Variants in AP2A2 observed in about 807,000 individuals in gnomAD.
AP2A2 encodes AP-2 complex subunit alpha-2.
AP2A2 carries 32 observed loss-of-function variants against 104.2 expected under a neutral mutation model. The ratio of observed to expected loss-of-function variants is 0.31; its 90% CI spans 0.23 to 0.41. The LOEUF (loss-of-function observed/expected upper bound fraction) is 0.41. Ranked by LOEUF, AP2A2 falls within the 10% of genes least tolerant of loss-of-function variation. The pLI is 1.00. For missense variants in AP2A2, 912 were observed against 1,261.0 expected (o/e 0.72, Z 4.19); for synonymous variants, 539 against 533.3 (o/e 1.01, Z -0.15).
At chr11:998,671 G>A (rs966899893) in intron 14 of AP2A2, among the ~76,000 whole-genome samples, 2 of 152,026 alleles carry the variant, frequency 1.3e-5, no homozygotes, top group Non-Finnish European at 1.5e-5. Context: ...TCTCCAGAAC[G>A]CTCTTAGCTG....
At position 992,137 on chromosome 11, in the gene AP2A2, C is replaced by A. The variant is rs536453114; in HGVS notation, c.1270-366C>A. Among the ~76,000 whole-genome samples the A allele has an allele frequency of 2.6e-5, 4 of 151,868 alleles. No individual in the cohort carries two copies. Among genetic ancestry groups the A allele is most frequent in the African/African-American group, 9.7e-5 (4 of 41,314 alleles). On this transcript the variant is annotated intron_variant, in intron 10 of 21. Transcript: ENST00000448903. This position sits in a 1 kb window ranked among gnomAD's most constrained non-coding sequence, Gnocchi z 6.4. ...ACTGGCCGCCGGGAGCCCAGGGTGG[C>A]GCAGTCAGAGGTCAGAGGAGTGCTG...
chr11:978,619 C>G (rs1855134066), intron 5 of AP2A2, among the ~76,000 whole-genome samples: 1 of 152,208 alleles, frequency 6.6e-6, no homozygotes, highest in Non-Finnish European at 1.5e-5. Context: ...CCCTCCTTAG[C>G]TCTCCCAGCT....
intron 5 of AP2A2, among the ~76,000 whole-genome samples, chr11:977,791 C>T (rs1344960948): frequency 6.6e-6 from 1 of 152,022 alleles, no homozygotes; most frequent in African/African-American, 2.4e-5. Flanking sequence ...CTTGTCCTGC[C>T]TGAACTCTGC....
chr11:949,488 T>G (rs772077971), intron 1 of AP2A2, among the ~76,000 whole-genome samples: 62 of 151,850 alleles, frequency 4.1e-4, no homozygotes, highest in Non-Finnish European at 8.4e-4. Flanking sequence ...ATAAAAAGGA[T>G]TATACAGGCC....
At chr11:999,906 C>T (rs1220586542) in intron 14 of AP2A2, among the ~76,000 whole-genome samples, 2 of 151,554 alleles carry the variant, frequency 1.3e-5, no homozygotes, top group Non-Finnish European at 2.9e-5. Context: ...CGGGTTCACA[C>T]CATTCTCCTG....
chr11:985,815 CT>C (rs892383925), intron 8 of AP2A2, among the ~76,000 whole-genome samples: 3 of 152,208 alleles, frequency 2.0e-5, no homozygotes, highest in African/African-American at 7.2e-5. Flanking sequence ...ACACGAGGGC[CT>C]TTTCCTCCTT....
At chr11:951,123 T>C (rs2134524446) in intron 1 of AP2A2, among the ~76,000 whole-genome samples, 1 of 151,402 alleles carries the variant, frequency 6.6e-6, no homozygotes, top group South Asian at 2.1e-4. Flanking sequence ...AGTATTAAAA[T>C]ATATATTTCT....
At position 968,886 on chromosome 11, in the gene AP2A2, T is replaced by G. The variant is rs1165124012; in HGVS notation, c.137-1283T>G. Among the ~76,000 whole-genome samples, 1 of 152,182 alleles carries G rather than the reference T, an allele frequency of 6.6e-6. No homozygotes were observed. Among genetic ancestry groups the G allele is most frequent in the Admixed American group, 6.5e-5 (1 of 15,284 alleles). On this transcript the variant is annotated intron_variant, in intron 2 of 21. Coordinates refer to ENST00000448903, the MANE Select transcript of AP2A2 (RefSeq NM_012305.4). The surrounding 1 kb of genome is among the most constrained non-coding windows in gnomAD (Gnocchi z 4.2). ...CGCTGACAAGGAGGGGGGTTTCTCATGAGCTCCTCAGAGTGCAGCATGCAG... is the reference window on the plus strand; with the variant it reads ...CGCTGACAAGGAGGGGGGTTTCTCAGGAGCTCCTCAGAGTGCAGCATGCAG...
In AP2A2 at chr11:992,724, G is replaced by T; in HGVS notation, c.1452+39G>T. 2 of 1,611,006 alleles carry T rather than the reference G, an allele frequency of 1.2e-6. No individual in the cohort carries two copies. The highest frequency in any genetic ancestry group is 1.7e-6 in the Non-Finnish European group (2 of 1,178,118). ...GATGGCAGGAAGGATGGGGTGGAGG[G>T]CAGTTGCAGAAGGTGAGCAGTGAGT... On this transcript the variant is annotated intron_variant, in intron 11 of 21. Coordinates refer to ENST00000448903, the MANE Select transcript of AP2A2 (RefSeq NM_012305.4). This position sits in a 1 kb window ranked among gnomAD's most constrained non-coding sequence, Gnocchi z 6.4.
At chr11:926,788 A>G (rs924780128) in intron 1 of AP2A2, among the ~76,000 whole-genome samples, 7 of 152,102 alleles carry the variant, frequency 4.6e-5, no homozygotes, top group Admixed American at 3.9e-4. Flanking sequence ...TGCTCCAATC[A>G]CAGACCTCGT....
Position 1,010,678 on chromosome 11 carries a change from C to A in AP2A2, c.*53C>A, listed in dbSNP as rs112809975. The A allele has an allele frequency of 8.2e-6, 12 of 1,459,418 alleles. No individual in the cohort carries two copies. Among genetic ancestry groups the A allele is most frequent in the Non-Finnish European group, 1.1e-5 (12 of 1,061,972 alleles). The allele number at this position is 1,459,418 out of a possible 1,614,324, so 90.4% of individuals were successfully genotyped here. A position where few individuals can be genotyped will look rare whatever the true frequency, so the allele number is the denominator to read the frequency against. ...TGTCTTGTGTTGTCTTCGTCTGTGC[C>A]GTTTGTCTTCGTGGCCATCCTGCAG... On this transcript the variant is annotated 3_prime_UTR_variant, in exon 22 of 22. Transcript: ENST00000448903.
intron 1 of AP2A2, among the ~76,000 whole-genome samples, chr11:958,053 C>G (rs1028550715): frequency 6.6e-6 from 1 of 152,220 alleles, no homozygotes; most frequent in African/African-American, 2.4e-5. Context: ...TGCTGAAGCC[C>G]CAACCCCAGT....
At position 1,010,858 on chromosome 11, in the gene AP2A2, A is replaced by G; in HGVS notation, c.*233A>G. 1 of 631,558 alleles carries G rather than the reference A, an allele frequency of 1.6e-6. No homozygotes were observed. The highest frequency in any genetic ancestry group is 2.5e-5 in the Admixed American group (1 of 39,826). 39.1% of individuals were successfully genotyped at this position (631,558 alleles called of 1,614,324 possible). A position where few individuals can be genotyped will look rare whatever the true frequency, so the allele number is the denominator to read the frequency against. ...GCCACGGCAGAAGGTGGATCTTGGGATCAATTTTTATAAAAATCGAGACAG... is the reference window on the plus strand; with the variant it reads ...GCCACGGCAGAAGGTGGATCTTGGGGTCAATTTTTATAAAAATCGAGACAG... On this transcript the variant is annotated 3_prime_UTR_variant, in exon 22 of 22. Transcript: ENST00000448903.
At chr11:995,306 C>G (rs1855814070) in intron 14 of AP2A2, 6 of 455,766 alleles carry the variant, frequency 1.3e-5, no homozygotes, top group South Asian at 9.3e-5. Flanking sequence ...GAGAATAATC[C>G]TGTAACAGAA....
rs369784870 is a variant in AP2A2 at position 998,227 on chromosome 11, C to T, written c.1957-2205C>T. Among the ~76,000 whole-genome samples the T allele has an allele frequency of 3.3e-5, 5 of 152,328 alleles. No individual in the cohort carries two copies. In the South Asian group the frequency reaches 8.3e-4, roughly 25 times the overall value. Reference sequence around the variant, plus strand: ...TCCCACCCTTGGAGCACATGAGACCCGTGTCGTCTTCTCTTGCAGAGGTGC... The same window carrying T: ...TCCCACCCTTGGAGCACATGAGACCTGTGTCGTCTTCTCTTGCAGAGGTGC... On this transcript the variant is annotated intron_variant, in intron 14 of 21. Coordinates refer to ENST00000448903, the MANE Select transcript of AP2A2 (RefSeq NM_012305.4).
chr11:1,009,097 C>T lies in AP2A2; in HGVS notation c.2421-3C>T. ...CTCTTTCTGCTGCTGCTGCTGCTGG[C>T]AGGTATGGGGGCACCTTCCAGAACG... On this transcript the variant is annotated splice_polypyrimidine_tract_variant and splice_region_variant and intron_variant, in intron 18 of 21. Coordinates refer to ENST00000448903, the MANE Select transcript of AP2A2 (RefSeq NM_012305.4). 1 of 1,607,664 alleles carries T rather than the reference C, an allele frequency of 6.2e-7. No individual in the cohort carries two copies. Among genetic ancestry groups the T allele is most frequent in the Non-Finnish European group, 8.5e-7 (1 of 1,175,598 alleles).
intron 10 of AP2A2, among the ~76,000 whole-genome samples, chr11:991,669 T>G (rs1330035824): frequency 1.1e-5 from 1 of 88,088 alleles, no homozygotes; most frequent in Non-Finnish European, 2.1e-5. Flanking sequence ...GGAGTCAGGT[T>G]GGGGTTTGGG....
intron 15 of AP2A2, among the ~76,000 whole-genome samples, chr11:1,001,895 C>T (rs1247817658): frequency 6.6e-6 from 1 of 152,190 alleles, no homozygotes; most frequent in Non-Finnish European, 1.5e-5. Flanking sequence ...GTGCATGCGG[C>T]CGTCTTGGCT....
intron 1 of AP2A2, chr11:948,496 C>G (rs1392379201): frequency 6.6e-6 from 1 of 152,180 alleles, no homozygotes; most frequent in African/African-American, 2.4e-5. Context: ...GAGAATGACA[C>G]ACAAATTTGT....
Sources: allele counts gnomAD v4.1 joint callset (sites outside exome capture counted in the v4.1 genomes callset), GRCh38; gene constraint gnomAD v4.1.1; non-coding constraint Gnocchi (gnomAD v3.1); transcripts MANE v1.5; gene names NCBI Gene and HGNC (gene_info 2026-07-23, HGNC 2026-07-21).